Variants in GRB7 observed in about 807,000 individuals in gnomAD.
GRB7 encodes the protein growth factor receptor-bound protein 7.
In GRB7, 47 loss-of-function variants were observed where a neutral mutation model predicts 64.1. The ratio of observed to expected loss-of-function variants is 0.73; its 90% CI spans 0.58 to 0.94. The LOEUF is 0.94. GRB7 is among the 40% of genes least tolerant of loss of function. The probability of loss-of-function intolerance (pLI) is 0.00; values close to 1 mark genes in which losing one functional copy is unlikely to be tolerated. For missense variants in GRB7, 634 were observed against 718.4 expected (o/e 0.88, Z 1.34); for synonymous variants, 277 against 279.9 (o/e 0.99, Z 0.10).
chr17:39,745,732 A>C lies in GRB7; in HGVS notation c.1214A>C (p.Lys405Thr). The C allele has an allele frequency of 6.2e-7, 1 of 1,613,714 alleles. No homozygotes were observed. Among genetic ancestry groups the C allele is most frequent in the Non-Finnish European group, 8.5e-7 (1 of 1,180,000 alleles). ...ALEEAQAWRK[K>T]TNHRLSLPMP... ...GTATCTCCCACTGCTCCACAGAAGA[A>C]GACAAACCACCGCCTCAGCCTGCCC... Residue 405 changes from lysine (K) to threonine (T), a missense_variant, in exon 12 of 15, where the codon AAG becomes ACG. By Grantham distance (78) the Lys-to-Thr change is moderately conservative. Coordinates refer to ENST00000309156, the MANE Select transcript of GRB7 (RefSeq NM_005310.5).
In GRB7 at chr17:39,745,730, G is replaced by T. The variant is rs762070674; in HGVS notation, c.1212G>T (p.Lys404Asn). The change falls in exon 12 of 15, where the codon AAG becomes AAT. Residue 404 changes from lysine (K) to asparagine (N), a missense_variant and splice_region_variant. Around this residue, in one of 2 missense-constraint regions of GRB7, gnomAD observed 467 missense variants for 576.6 expected, o/e 0.81. Coordinates refer to ENST00000309156, the MANE Select transcript of GRB7 (RefSeq NM_005310.5). ...CCGTATCTCCCACTGCTCCACAGAA[G>T]AAGACAAACCACCGCCTCAGCCTGC... The part of the protein sequence containing the change: ...VALEEAQAWR[K>N]KTNHRLSLPM... 3.2e-5 allele frequency: 51 copies of T among 1,613,564 alleles called. No individual in the cohort carries two copies. Among genetic ancestry groups the T allele is most frequent in the Non-Finnish European group, 4.2e-5 (49 of 1,180,010 alleles).
At chr17:39,743,715 C>G (rs763946800) in intron 6 of GRB7, 13 of 565,040 alleles carry the variant, frequency 2.3e-5, no homozygotes, top group Non-Finnish European at 3.5e-5. Flanking sequence ...TGGCTCATGC[C>G]TATAATCCCA....
At chr17:39,738,834 T>A (rs1028975588) in intron 1 of GRB7, 1 of 1,406,350 alleles carries the variant, frequency 7.1e-7, no homozygotes, top group Non-Finnish European at 9.7e-7. Flanking sequence ...AGGAGAGGGA[T>A]CCTCTAAATT....
In GRB7 at chr17:39,745,739, C is replaced by G; in HGVS notation, c.1221C>G (p.Asn407Lys). The G allele has an allele frequency of 6.2e-7, 1 of 1,613,820 alleles. No individual in the cohort carries two copies. ...EEAQAWRKKT[N>K]HRLSLPMPAS... ...CCACTGCTCCACAGAAGAAGACAAA[C>G]CACCGCCTCAGCCTGCCCATGCCAG... The change falls in exon 12 of 15, where the codon AAC becomes AAG. Residue 407 changes from asparagine to lysine, a missense_variant. Physicochemically the swap from Asn to Lys is moderately conservative, Grantham distance 94. This residue lies in a region of GRB7 where 467 missense variants were observed against 576.6 expected (regional missense o/e 0.81). Transcript: ENST00000309156.
rs149771770 is a variant in GRB7, at chr17:39,745,502, T to A, written c.1173T>A (p.Ala391=). The A allele has an allele frequency of 1.4e-4, 222 of 1,613,758 alleles. No individual in the cohort carries two copies. The highest frequency in any genetic ancestry group is 3.2e-4 in the Admixed American group (19 of 60,002). Reference sequence around the variant, plus strand: ...GTGTCATTGAGAACCCCCGGGAGGCTCTGAGTGTGGCCCTGGAGGAGGCCC... The same window carrying A: ...GTGTCATTGAGAACCCCCGGGAGGCACTGAGTGTGGCCCTGGAGGAGGCCC... The part of the protein sequence containing the change: ...AGRVIENPRE[A]LSVALEEAQA... Residue 391 remains alanine (A), a synonymous_variant, in exon 11 of 15, where the codon GCT becomes GCA. Transcript: ENST00000309156.
chr17:39,742,434 C>G lies in GRB7; in HGVS notation c.133C>G (p.Leu45Val). The G allele has an allele frequency of 6.2e-7, 1 of 1,613,996 alleles. No homozygotes were observed. The highest frequency in any genetic ancestry group is 8.5e-7 in the Non-Finnish European group (1 of 1,179,998). Residue 45 changes from leucine (L) to valine (V), a missense_variant, in exon 2 of 15, where the codon CTC (leucine) becomes GTC (valine). Coordinates refer to ENST00000309156, the MANE Select transcript of GRB7 (RefSeq NM_005310.5). ...LPEEVKRSQPLLIPTTGRKLR... is the reference protein window; with the variant it reads ...LPEEVKRSQPVLIPTTGRKLR... ...TGAGGAGGTAAAGAGGTCCCAGCCT[C>G]TCCTCATCCCAACCACCGGCAGGTA...
At chr17:39,743,339 T>C in intron 5 of GRB7, 38 bp downstream of exon 5, 1 of 1,614,144 alleles carries the variant, frequency 6.2e-7, no homozygotes, top group Non-Finnish European at 8.5e-7. Flanking sequence ...TGGGATGCCC[T>C]GATCCTCAAC....
At chr17:39,741,660 G>A (rs892602147) in intron 1 of GRB7, among the ~76,000 whole-genome samples, 2 of 152,242 alleles carry the variant, frequency 1.3e-5, no homozygotes, top group African/African-American at 4.8e-5. Flanking sequence ...TGTGAAATCT[G>A]TTGTGACCAC....
rs2059974284 is a variant in GRB7, at chr17:39,739,112, A to G, written c.-51+979A>G. 3 of 482,742 alleles carry G rather than the reference A, an allele frequency of 6.2e-6. No homozygotes were observed. In the Admixed American group the frequency reaches 1.0e-4, roughly 17 times the overall value. The allele number at this position is 482,742 out of a possible 1,614,324, so 29.9% of individuals were successfully genotyped here. ...TGGGTCTCCCTGGCAGATTGAGGAC[A>G]GAGAATGAATGCATCTGCCGGCAAG... On this transcript the variant is annotated intron_variant, in intron 1 of 14. Coordinates refer to ENST00000309156, the MANE Select transcript of GRB7 (RefSeq NM_005310.5).
intron 7 of GRB7, 45 bp downstream of exon 7, chr17:39,744,252 C>A: frequency 1.2e-6 from 2 of 1,606,590 alleles, no homozygotes; most frequent in South Asian, 2.2e-5. Context: ...AGTCCCTGGT[C>A]CTTTTAGAAG....
Position 39,744,545 on chromosome 17 carries a change from C to T in GRB7, c.802-8C>T. The T allele has an allele frequency of 6.3e-7, 1 of 1,598,984 alleles. No individual in the cohort carries two copies. The highest frequency in any genetic ancestry group is 1.3e-5 in the African/African-American group (1 of 74,546). On this transcript the variant is annotated splice_polypyrimidine_tract_variant and splice_region_variant and intron_variant, in intron 7 of 14. Coordinates refer to ENST00000309156, the MANE Select transcript of GRB7 (RefSeq NM_005310.5). ...CTGTACCAAGTCCTGCTCACTCATG[C>T]TGCTTAGGATCCGAGGCACCTGCAG...
In GRB7 at chr17:39,742,970, G is replaced by A. The variant is rs189871450; in HGVS notation, c.379G>A (p.Val127Met). Residue 127 changes from valine (V) to methionine (M), a missense_variant, in exon 4 of 15, where the codon GTG (valine) becomes ATG (methionine). Coordinates refer to ENST00000309156, the MANE Select transcript of GRB7 (RefSeq NM_005310.5). ...EVAAGATARH[V>M]CEMLVQRAHA... ...GGCAGCAGGTGCCACAGCTCGCCACGTGTGTGAAATGCTGGTGCAGCGAGC... is the reference window on the plus strand; with the variant it reads ...GGCAGCAGGTGCCACAGCTCGCCACATGTGTGAAATGCTGGTGCAGCGAGC... 2.3e-5 allele frequency: 37 copies of A among 1,613,304 alleles called. No individual in the cohort carries two copies. The highest frequency in any genetic ancestry group is 6.7e-5 in the African/African-American group (5 of 74,930).
chr17:39,744,237 C>T (rs2060023790), intron 7 of GRB7, 30 bp downstream of exon 7: 2 of 1,611,448 alleles, frequency 1.2e-6, no homozygotes, highest in Non-Finnish European at 1.7e-6. Flanking sequence ...AGCCCCAGCC[C>T]CTCCAGTCCC....
rs772890624 is a variant in GRB7 at position 39,745,426 on chromosome 17, GTGCCTCAGATAATACCCTGGTGGCCA to G, written c.1100_1125del (p.Ala367GlyfsTer11). On this transcript the variant is annotated frameshift_variant, in exon 11 of 15. Coordinates refer to ENST00000309156, the MANE Select transcript of GRB7 (RefSeq NM_005310.5). LOFTEE classifies it high-confidence loss of function. ...CTCCTCTCCTTCCATCTCCAGAGAA[GTGCCTCAGATAATACCCTGGTGGCCA>G]TGGACTTCTCTGGCCATGCTGGGCG... 39 of 1,613,844 alleles carry G rather than the reference GTGCCTCAGATAATACCCTGGTGGCCA, an allele frequency of 2.4e-5. No individual in the cohort carries two copies. The Admixed American group carries it at 6.3e-4, about 26-fold the overall frequency.
intron 5 of GRB7, 42 bp from the exon 6 acceptor site, chr17:39,743,351 T>G (rs1297731088): frequency 6.2e-7 from 1 of 1,614,142 alleles, no homozygotes; most frequent in Non-Finnish European, 8.5e-7. Context: ...ATCCTCAACC[T>G]GGATGCTGGA....
Position 39,742,621 on chromosome 17 carries a change from T to C in GRB7, c.211T>C (p.Phe71Leu). ...CTCCCTCCCCTCTATCCCCAACCCC[T>C]TCCCTGAGCTCTGCAGTCCTCCCTC... ...ATSLPSIPNP[F>L]PELCSPPSQS... Residue 71 changes from phenylalanine (F) to leucine (L), a missense_variant, in exon 3 of 15, where the codon TTC becomes CTC. Phe to Leu is a conservative substitution (Grantham distance 22). Transcript: ENST00000309156. The C allele has an allele frequency of 6.2e-7, 1 of 1,612,928 alleles. No individual in the cohort carries two copies. Among genetic ancestry groups the C allele is most frequent in the Non-Finnish European group, 8.5e-7 (1 of 1,179,542 alleles).
chr17:39,738,757 AAGAC>A (rs1244700516), intron 1 of GRB7: 1 of 691,570 alleles, frequency 1.4e-6, no homozygotes, highest in Non-Finnish European at 2.3e-6. Flanking sequence ...CCAAGTCTCT[AAGAC>A]AGACGTCTCT....
intron 1 of GRB7, chr17:39,738,434 G>C (rs1245141196): frequency 6.5e-6 from 1 of 153,472 alleles, no homozygotes. Flanking sequence ...GGGCAGGCAC[G>C]GCCGGTCTGG....
chr17:39,738,579 T>A, intron 1 of GRB7: 1 of 138,642 alleles, frequency 7.2e-6, no homozygotes. Context: ...CCAGCGCTCC[T>A]TGTTCCCTCC....
Sources: allele counts gnomAD v4.1 joint callset (sites outside exome capture counted in the v4.1 genomes callset), GRCh38; gene constraint gnomAD v4.1.1; regional missense constraint gnomAD v4.1.1; transcripts MANE v1.5; gene names NCBI Gene and HGNC (gene_info 2026-07-23, HGNC 2026-07-21).